Variants in SLC35F2 observed in about 807,000 individuals in gnomAD.
SLC35F2 encodes queuine/queuosine transporter SLC35F2.
SLC35F2 carries 25 observed loss-of-function variants against 38.1 expected under a neutral mutation model. The observed-to-expected ratio is 0.66, with a 90% CI of 0.48 to 0.92. The LOEUF is 0.92. Ranked by LOEUF, SLC35F2 falls within the 40% of genes least tolerant of loss-of-function variation. SLC35F2 has a pLI of 0.00. For synonymous variants in SLC35F2, 173 were observed against 181.7 expected, an observed-to-expected ratio of 0.95 and a Z score of 0.38; for missense variants, 409 against 452.9, an observed-to-expected ratio of 0.90 and a Z score of 0.88.
At chr11:107,829,238 G>A (rs1285667681) in intron 1 of SLC35F2, among the ~76,000 whole-genome samples, 2 of 151,954 alleles carry the variant, frequency 1.3e-5, no homozygotes, top group Non-Finnish European at 2.9e-5. Context: ...GGTCAACATG[G>A]TGAAACCCCA....
chr11:107,799,495 G>C (rs945174197), intron 7 of SLC35F2, among the ~76,000 whole-genome samples: 6 of 152,176 alleles, frequency 3.9e-5, no homozygotes, highest in South Asian at 4.1e-4. Context: ...ACTTAAGGCT[G>C]ACATTGTAGT....
At chr11:107,823,926 CAAA>C (rs58357861) in intron 1 of SLC35F2, 9,334 of 632,156 alleles carry the variant, frequency 0.015, no homozygotes, top group Non-Finnish European at 0.016. Context: ...AAGACAGTCT[CAAA>C]AAAAAAAAAA....
chr11:107,821,650 G>A (rs1205824701), intron 1 of SLC35F2: 1 of 982,564 alleles, frequency 1.0e-6, no homozygotes, highest in Non-Finnish European at 1.2e-6. Context: ...AACAAAACCT[G>A]TTCCTGTTTA....
chr11:107,828,654 G>C (rs1859790862), intron 1 of SLC35F2, among the ~76,000 whole-genome samples: 1 of 152,056 alleles, frequency 6.6e-6, no homozygotes, highest in Non-Finnish European at 1.5e-5. Flanking sequence ...AATGAATTAA[G>C]ATGGGATGAC....
intron 3 of SLC35F2, chr11:107,809,815 G>C: frequency 1.0e-6 from 1 of 985,290 alleles, no homozygotes; most frequent in Non-Finnish European, 1.2e-6. Context: ...AAGAGAAAAT[G>C]AAAATTGAAT....
At chr11:107,833,518 C>CAAAAAAAAAAAAAAAAAAAAAAAA (rs34376803) in intron 1 of SLC35F2, among the ~76,000 whole-genome samples, 5 of 89,538 alleles carry the variant, frequency 5.6e-5, no homozygotes, top group African/African-American at 1.9e-4. Flanking sequence ...GACTCTGTCT[C>CAAAAAAAAAAAAAAAAAAAAAAAA]AAAAAAAAAA....
chr11:107,797,873 G>A (rs1859245430), intron 7 of SLC35F2, among the ~76,000 whole-genome samples: 1 of 152,118 alleles, frequency 6.6e-6, no homozygotes. Flanking sequence ...ATAGCACAGG[G>A]CCCAACACAT....
At position 107,843,869 on chromosome 11, in the gene SLC35F2, ATATATATATATATATAT is replaced by A. The variant is rs1395004690; in HGVS notation, c.110+14772_110+14788del. On this transcript the variant is annotated intron_variant, in intron 1 of 7. Transcript: ENST00000525815. ...CTTAAAAAAAAAAAAAAAAAAAAAA[ATATATATATATATATAT>A]ATATATATATATATATATATATGTA... 7.8e-3 allele frequency among the ~76,000 whole-genome samples: 293 copies of A among 37,654 alleles called. 25 individuals are homozygous for A. The highest frequency in any genetic ancestry group is 0.036 in the Middle Eastern group (2 of 56). 24.7% of individuals were successfully genotyped at this position (37,654 alleles called of 152,430 possible).
intron 4 of SLC35F2, 151 bp downstream of exon 4, chr11:107,806,566 C>G (rs150423791): frequency 2.9e-6 from 2 of 696,696 alleles, no homozygotes; most frequent in Non-Finnish European, 5.2e-6. Context: ...ATACTATCAA[C>G]TGAATTCAAC....
chr11:107,825,709 A>G (rs909896294), intron 1 of SLC35F2, among the ~76,000 whole-genome samples: 7 of 152,136 alleles, frequency 4.6e-5, no homozygotes, highest in Non-Finnish European at 7.3e-5. Flanking sequence ...GGAGATACTT[A>G]TGCTGCTGGT....
chr11:107,843,271 A>G (rs973889824), intron 1 of SLC35F2, among the ~76,000 whole-genome samples: 2 of 152,148 alleles, frequency 1.3e-5, no homozygotes, highest in African/African-American at 4.8e-5. Context: ...CTATATTAAA[A>G]AAGCAATTGA....
intron 3 of SLC35F2, chr11:107,810,831 A>T: frequency 1.0e-6 from 1 of 979,460 alleles, no homozygotes; most frequent in Non-Finnish European, 1.2e-6. Context: ...GTCTAATTTC[A>T]ATTTTTCCAG....
chr11:107,795,487 A>C (rs1859203468), intron 7 of SLC35F2, among the ~76,000 whole-genome samples: 1 of 152,182 alleles, frequency 6.6e-6, no homozygotes, highest in African/African-American at 2.4e-5. Context: ...TTAAACTAAA[A>C]AGTTTCTGCA....
At chr11:107,848,463 G>C (rs999106475) in intron 1 of SLC35F2, among the ~76,000 whole-genome samples, 1 of 152,124 alleles carries the variant, frequency 6.6e-6, no homozygotes, top group Non-Finnish European at 1.5e-5. Flanking sequence ...TTGGAGGTGG[G>C]GCCTCTGGGA....
intron 1 of SLC35F2, among the ~76,000 whole-genome samples, chr11:107,825,704 T>C (rs1859744834): frequency 6.6e-6 from 1 of 152,078 alleles, no homozygotes; most frequent in South Asian, 2.1e-4. Context: ...TCTCAGGAGA[T>C]ACTTATGCTG....
chr11:107,846,301 T>C (rs542765989), intron 1 of SLC35F2, among the ~76,000 whole-genome samples: 9 of 152,194 alleles, frequency 5.9e-5, no homozygotes, highest in Admixed American at 4.6e-4. Flanking sequence ...CATGAACGTA[T>C]TGTTGCCTCT....
intron 1 of SLC35F2, among the ~76,000 whole-genome samples, chr11:107,837,667 C>G (rs1359779356): frequency 6.6e-6 from 1 of 152,052 alleles, no homozygotes; most frequent in Non-Finnish European, 1.5e-5. Context: ...GCACTCCAGC[C>G]TGGGCGACAG....
At chr11:107,830,115 A>G (rs1203616531) in intron 1 of SLC35F2, among the ~76,000 whole-genome samples, 1 of 152,144 alleles carries the variant, frequency 6.6e-6, no homozygotes, top group Admixed American at 6.6e-5. Flanking sequence ...TAAAAAAAAA[A>G]AATTGTAATT....
chr11:107,828,388 C>T (rs1859787407), intron 1 of SLC35F2, among the ~76,000 whole-genome samples: 1 of 149,250 alleles, frequency 6.7e-6, no homozygotes, highest in Non-Finnish European at 1.5e-5. Flanking sequence ...GAACTGAGAT[C>T]GCACCACTGC....
Sources: allele counts gnomAD v4.1 joint callset (sites outside exome capture counted in the v4.1 genomes callset), GRCh38; gene constraint gnomAD v4.1.1; transcripts MANE v1.5; gene names NCBI Gene and HGNC (gene_info 2026-07-23, HGNC 2026-07-21).